Variants in MACROD2 observed in about 807,000 individuals in gnomAD.
The protein encoded by MACROD2 is mono-ADP ribosylhydrolase 2.
Under a neutral mutation model 70.4 loss-of-function variants are expected in MACROD2, and 36 were observed. That is an observed-to-expected ratio of 0.51 (90% confidence interval 0.39 to 0.68). The LOEUF is 0.68. MACROD2 is among the 30% of genes least tolerant of loss of function. The pLI, the probability that MACROD2 is intolerant of heterozygous loss-of-function variation, is 0.00. For synonymous variants in MACROD2, 172 were observed against 178.8 expected (o/e 0.96, Z 0.30); for missense variants, 496 against 538.4 (o/e 0.92, Z 0.78).
chr20:14,864,346 G>T (rs1792542398), intron 5 of MACROD2, among the ~76,000 whole-genome samples: 1 of 152,006 alleles, frequency 6.6e-6, no homozygotes, highest in Admixed American at 6.6e-5. Context: ...GTGCCCTTTG[G>T]AGAGGGCTAT....
intron 5 of MACROD2, among the ~76,000 whole-genome samples, chr20:14,710,963 C>A (rs1460464461): frequency 6.6e-6 from 1 of 152,184 alleles, no homozygotes; most frequent in African/African-American, 2.4e-5. Flanking sequence ...CTTCTGCCCT[C>A]TGTCTGAGGG....
intron 5 of MACROD2, among the ~76,000 whole-genome samples, chr20:14,853,173 C>CTGTA (rs35279137): frequency 6.7e-6 from 1 of 149,238 alleles, no homozygotes; most frequent in Non-Finnish European, 1.5e-5. Flanking sequence ...GTGTGTGTGT[C>CTGTA]TGTGTGTGTG....
chr20:14,175,913 C>G (rs780262714), intron 3 of MACROD2, among the ~76,000 whole-genome samples: 1 of 152,082 alleles, frequency 6.6e-6, no homozygotes, highest in East Asian at 1.9e-4. Flanking sequence ...GATTGCCAAC[C>G]TAATGTCTTA....
chr20:15,048,992 A>G (rs1307309206), intron 5 of MACROD2, among the ~76,000 whole-genome samples: 1 of 152,070 alleles, frequency 6.6e-6, no homozygotes, highest in Non-Finnish European at 1.5e-5. Flanking sequence ...TGCATTATAT[A>G]CTTTTTCAAT....
At chr20:15,892,877 A>G in intron 10 of MACROD2, 1 of 398,420 alleles carries the variant, frequency 2.5e-6, no homozygotes, top group African/African-American at 2.1e-5. Flanking sequence ...ATAATTTTGA[A>G]CCCTACTGGT....
chr20:14,438,428 C>A (rs1225799433), intron 3 of MACROD2, among the ~76,000 whole-genome samples: 2 of 152,152 alleles, frequency 1.3e-5, no homozygotes, highest in Non-Finnish European at 2.9e-5. Context: ...TTAATATATA[C>A]CCAGCAGGAT....
Position 14,629,790 on chromosome 20 carries a change from TTA to T in MACROD2, c.302-55051_302-55050del, listed in dbSNP as rs1289476615. Among the ~76,000 whole-genome samples, 7 of 152,298 alleles carry T rather than the reference TTA, an allele frequency of 4.6e-5. No individual in the cohort carries two copies. The East Asian group carries it at 1.4e-3, about 29-fold the overall frequency. On this transcript the variant is annotated intron_variant, in intron 4 of 17. Transcript: ENST00000684519. The stretch of plus-strand genomic sequence containing the variant: ...CCCTCTAGCCAAGCCTTTTTTCTTT[TTA>T]TCCTAAAGAACCCTGGTCTCTTTTT...
chr20:14,184,349 T>C (rs1392845709), intron 3 of MACROD2, among the ~76,000 whole-genome samples: 2 of 152,130 alleles, frequency 1.3e-5, no homozygotes, highest in African/African-American at 2.4e-5. Context: ...GTGTGTGGTC[T>C]TATTTCTGGT....
chr20:15,640,828 C>T (rs552409002), intron 8 of MACROD2, among the ~76,000 whole-genome samples: 3 of 152,266 alleles, frequency 2.0e-5, no homozygotes, highest in East Asian at 1.9e-4. Flanking sequence ...CAAACAGACC[C>T]GGGTGGGCTA....
At chr20:15,070,065 G>T (rs2075607208) in intron 5 of MACROD2, among the ~76,000 whole-genome samples, 1 of 152,156 alleles carries the variant, frequency 6.6e-6, no homozygotes, top group Non-Finnish European at 1.5e-5. Context: ...AGCTACAGGG[G>T]CAGGGCTTCC....
chr20:14,004,656 T>G (rs2052786930), intron 2 of MACROD2, among the ~76,000 whole-genome samples: 1 of 152,128 alleles, frequency 6.6e-6, no homozygotes, highest in Admixed American at 6.5e-5. Context: ...TTTTAACAGT[T>G]TAAAAATCCT....
chr20:15,361,802 C>A (rs559538597), intron 6 of MACROD2, among the ~76,000 whole-genome samples: 2 of 152,098 alleles, frequency 1.3e-5, no homozygotes, highest in South Asian at 2.1e-4. Flanking sequence ...TTAATGATGT[C>A]ATTTTTGAGG....
intron 8 of MACROD2, among the ~76,000 whole-genome samples, chr20:15,581,271 C>T (rs1252381290): frequency 6.6e-6 from 1 of 152,220 alleles, no homozygotes; most frequent in Non-Finnish European, 1.5e-5. Context: ...TTTTCACTGT[C>T]TCTGTTGATG....
At chr20:14,804,172 A>T (rs1354803180) in intron 5 of MACROD2, among the ~76,000 whole-genome samples, 3 of 152,150 alleles carry the variant, frequency 2.0e-5, no homozygotes, top group Admixed American at 2.0e-4. Context: ...TTCAAAAACC[A>T]AATACAATTA....
chr20:15,705,371 T>A (rs989713996), intron 8 of MACROD2, among the ~76,000 whole-genome samples: 6 of 152,154 alleles, frequency 3.9e-5, no homozygotes, highest in Non-Finnish European at 1.5e-5. Context: ...TTAATTATCA[T>A]CCTACTATAT....
intron 10 of MACROD2, among the ~76,000 whole-genome samples, chr20:15,903,754 A>C (rs1046116669): frequency 5.9e-5 from 9 of 152,210 alleles, no homozygotes; most frequent in Non-Finnish European, 1.3e-4. Flanking sequence ...ACGTGCTCTA[A>C]CTTATATTTT....
At chr20:15,587,951 C>G (rs899575560) in intron 8 of MACROD2, among the ~76,000 whole-genome samples, 2 of 152,180 alleles carry the variant, frequency 1.3e-5, no homozygotes, top group African/African-American at 4.8e-5. Flanking sequence ...TGTCAAAGCC[C>G]CACTAGGCAA....
chr20:14,242,647 G>T (rs2081939037), intron 3 of MACROD2, among the ~76,000 whole-genome samples: 1 of 152,126 alleles, frequency 6.6e-6, no homozygotes, highest in Non-Finnish European at 1.5e-5. Context: ...ATAAATGTAT[G>T]TAATTTCTGT....
chr20:14,944,907 C>T (rs999208585), intron 5 of MACROD2, among the ~76,000 whole-genome samples: 1 of 152,060 alleles, frequency 6.6e-6, no homozygotes, highest in African/African-American at 2.4e-5. Flanking sequence ...GTCCTTTATC[C>T]ACTCTGGCTC....
Sources: gnomAD v4.1 joint callset for allele counts (sites outside exome capture counted in the v4.1 genomes callset) on GRCh38, gnomAD v4.1.1 for gene constraint, MANE v1.5 for transcripts, NCBI Gene and HGNC (gene_info 2026-07-23, HGNC 2026-07-21) for gene names.